The following CMIP variants were observed in gnomAD, a reference collection of about 807,000 sequenced individuals.
CMIP encodes the protein C-Maf-inducing protein.
Under a neutral mutation model 97.3 loss-of-function variants are expected in CMIP, and 13 were observed. The observed-to-expected ratio is 0.13, with a 90% CI of 0.09 to 0.21. The LOEUF (loss-of-function observed/expected upper bound fraction) is 0.21. Among genes scored for constraint, CMIP ranks in the 10% least tolerant of loss-of-function variants. The pLI is 1.00. For synonymous variants in CMIP, 538 were observed against 436.3 expected (o/e 1.23, Z -2.91); for missense variants, 847 against 1,024.9 (o/e 0.83, Z 2.37).
At chr16:81,517,877 A>C (rs3803655) in intron 1 of CMIP, 225,531 of 947,556 alleles carry the variant, frequency 0.24, 28,504 homozygotes, top group Admixed American at 0.32. Flanking sequence ...CAGAGTTGGC[A>C]GTGGCTGCAG....
At chr16:81,501,221 C>G (rs1244497499) in intron 1 of CMIP, among the ~76,000 whole-genome samples, 1 of 152,180 alleles carries the variant, frequency 6.6e-6, no homozygotes, top group Non-Finnish European at 1.5e-5. Flanking sequence ...TCTTGTCTTG[C>G]TAAGGAATTT....
intron 1 of CMIP, among the ~76,000 whole-genome samples, chr16:81,591,108 CA>C (rs200147351): frequency 0.022 from 3,385 of 152,342 alleles, 47 homozygotes; most frequent in Non-Finnish European, 0.035. Flanking sequence ...AGAGTTATAG[CA>C]GATTCAAATC....
chr16:81,511,407 T>C (rs2089807229), intron 1 of CMIP, among the ~76,000 whole-genome samples: 1 of 152,254 alleles, frequency 6.6e-6, no homozygotes, highest in African/African-American at 2.4e-5. Context: ...CTACACCCTG[T>C]ATTTGCTTAC....
intron 1 of CMIP, among the ~76,000 whole-genome samples, chr16:81,509,110 A>G (rs1386508145): frequency 6.6e-6 from 1 of 152,238 alleles, no homozygotes; most frequent in Admixed American, 6.5e-5. Flanking sequence ...AAAAAGTGCC[A>G]GCAGGTCCTC....
At chr16:81,541,688 A>G (rs886588361) in intron 1 of CMIP, among the ~76,000 whole-genome samples, 1 of 152,198 alleles carries the variant, frequency 6.6e-6, no homozygotes. Context: ...GAGTGTCCCT[A>G]CAAAACAACC....
chr16:81,502,229 A>T (rs2089626789), intron 1 of CMIP, among the ~76,000 whole-genome samples: 1 of 152,186 alleles, frequency 6.6e-6, no homozygotes, highest in African/African-American at 2.4e-5. Flanking sequence ...CAGCATAACA[A>T]GGATTAGGTG....
chr16:81,515,095 A>C (rs562441380), intron 1 of CMIP, among the ~76,000 whole-genome samples: 1 of 152,344 alleles, frequency 6.6e-6, no homozygotes, highest in East Asian at 1.9e-4. Context: ...CTGTCCTGGC[A>C]GGAGTGCCCT....
At chr16:81,512,902 A>G (rs1009315530) in intron 1 of CMIP, among the ~76,000 whole-genome samples, 9 of 152,120 alleles carry the variant, frequency 5.9e-5, no homozygotes, top group African/African-American at 2.2e-4. Flanking sequence ...ACACCCAGCT[A>G]ATTTTTGCAT....
chr16:81,570,919 G>A (rs1025506399), intron 1 of CMIP, among the ~76,000 whole-genome samples: 3 of 152,126 alleles, frequency 2.0e-5, no homozygotes, highest in Admixed American at 6.5e-5. Context: ...CTGCGGACAC[G>A]TGATGATGAA....
intron 1 of CMIP, among the ~76,000 whole-genome samples, chr16:81,474,247 C>G (rs1202526278): frequency 6.6e-6 from 1 of 152,100 alleles, no homozygotes; most frequent in African/African-American, 2.4e-5. Context: ...TGTGGGAGTC[C>G]AGCTGCTGCT....
intron 5 of CMIP, among the ~76,000 whole-genome samples, chr16:81,658,364 C>G (rs2092508417): frequency 6.6e-6 from 1 of 152,216 alleles, no homozygotes; most frequent in African/African-American, 2.4e-5. Flanking sequence ...GAAATTGCAC[C>G]TGCTAGATGG....
At chr16:81,578,500 G>T (rs1468869586) in intron 1 of CMIP, among the ~76,000 whole-genome samples, 1 of 152,170 alleles carries the variant, frequency 6.6e-6, no homozygotes, top group Non-Finnish European at 1.5e-5. Flanking sequence ...GATGTTTTGT[G>T]TCTCCCTCTC....
At chr16:81,559,815 A>G (rs984518637) in intron 1 of CMIP, among the ~76,000 whole-genome samples, 2 of 152,190 alleles carry the variant, frequency 1.3e-5, no homozygotes, top group African/African-American at 4.8e-5. Context: ...ATGAGCCATA[A>G]AACAGCCTCA....
At chr16:81,607,799 T>A in intron 2 of CMIP, 107 bp downstream of exon 2, 1 of 1,266,750 alleles carries the variant, frequency 7.9e-7, no homozygotes, top group South Asian at 1.4e-5. Context: ...GGAAAGGTTG[T>A]TTAACTTTGG....
chr16:81,661,062 A>C (rs2092540518), intron 6 of CMIP, 116 bp downstream of exon 6: 8 of 1,229,598 alleles, frequency 6.5e-6, no homozygotes, highest in Non-Finnish European at 9.6e-6. Flanking sequence ...GTCTTGGGTC[A>C]CGGTCCCAGA....
intron 1 of CMIP, among the ~76,000 whole-genome samples, chr16:81,488,116 A>T (rs199824631): frequency 2.0e-5 from 3 of 152,000 alleles, no homozygotes; most frequent in African/African-American, 4.8e-5. Context: ...CATGACTTTT[A>T]TTTTATTGGC....
intron 1 of CMIP, among the ~76,000 whole-genome samples, chr16:81,480,818 C>T (rs902500081): frequency 2.0e-5 from 3 of 152,104 alleles, no homozygotes; most frequent in Non-Finnish European, 2.9e-5. Flanking sequence ...TGGGAAAGGA[C>T]GGGGGTGGTT....
chr16:81,496,307 AC>A (rs2089489847), intron 1 of CMIP, among the ~76,000 whole-genome samples: 1 of 152,210 alleles, frequency 6.6e-6, no homozygotes, highest in African/African-American at 2.4e-5. Flanking sequence ...TGCTCAGAAT[AC>A]AGCAGTGAAC....
At chr16:81,538,302 C>A (rs950303872) in intron 1 of CMIP, among the ~76,000 whole-genome samples, 5 of 152,196 alleles carry the variant, frequency 3.3e-5, no homozygotes, top group African/African-American at 1.2e-4. Context: ...ACATAGGCGG[C>A]CCCCGGCGGT....
Sources: allele counts gnomAD v4.1 joint callset (sites outside exome capture counted in the v4.1 genomes callset), GRCh38; gene constraint gnomAD v4.1.1; transcripts MANE v1.5; gene names NCBI Gene and HGNC (gene_info 2026-07-23, HGNC 2026-07-21).